Variants in BCO2 observed in about 807,000 individuals in gnomAD.
BCO2 encodes the protein beta-carotene oxygenase 2.
A neutral mutation model predicts 65.8 loss-of-function variants in BCO2; 56 were observed. That is an observed-to-expected ratio of 0.85 (90% CI 0.69 to 1.06). The LOEUF (loss-of-function observed/expected upper bound fraction) is 1.06, where lower values mean the gene tolerates loss of function less well. Among genes scored for constraint, BCO2 ranks in the 50% least tolerant of loss-of-function variants. BCO2 has a pLI of 0.00. For missense variants in BCO2, 675 were observed against 698.5 expected (o/e 0.97, Z 0.38); for synonymous variants, 233 against 242.3 (o/e 0.96, Z 0.36).
intron 5 of BCO2, 133 bp downstream of exon 5, chr11:112,194,888 C>A (rs1048399206): frequency 3.6e-6 from 2 of 552,524 alleles, no homozygotes; most frequent in Non-Finnish European, 6.3e-6. Flanking sequence ...CTACACCCAG[C>A]TCTCTCTCCT....
chr11:112,181,382 C>G (rs949394513), intron 2 of BCO2: 34 of 533,746 alleles, frequency 6.4e-5, no homozygotes, highest in Non-Finnish European at 1.1e-4. Context: ...GGGGTTTCAC[C>G]GTTTTAGCTG....
In BCO2 at chr11:112,218,750, TAAG is replaced by T. The variant is rs1859758668; in HGVS notation, c.*879_*881del. 6.6e-6 allele frequency: 1 copy of T among 152,560 alleles called. No individual in the cohort carries two copies. Among genetic ancestry groups the T allele is most frequent in the African/African-American group, 2.4e-5 (1 of 41,464 alleles). 9.5% of individuals were successfully genotyped at this position (152,560 alleles called of 1,614,324 possible). On this transcript the variant is annotated 3_prime_UTR_variant, in exon 12 of 12. Transcript: ENST00000357685. ...ATAAAACTTTGGCACTCATGTTTCTTAAGAAAAAACACCACAAAGCAGAATTCA... is the reference window on the plus strand; with the variant it reads ...ATAAAACTTTGGCACTCATGTTTCTTAAAAAACACCACAAAGCAGAATTCA...
intron 5 of BCO2, among the ~76,000 whole-genome samples, chr11:112,196,391 G>C (rs1452570902): frequency 2.6e-5 from 4 of 152,112 alleles, no homozygotes; most frequent in Admixed American, 6.6e-5. Flanking sequence ...TTGTAATACA[G>C]TAAAATGCTT....
chr11:112,186,277 C>G (rs538977902), intron 2 of BCO2, among the ~76,000 whole-genome samples: 18 of 152,370 alleles, frequency 1.2e-4, no homozygotes, highest in African/African-American at 4.3e-4. Context: ...GCTTGCCCCA[C>G]AGGCCTCTTT....
intron 2 of BCO2, among the ~76,000 whole-genome samples, chr11:112,187,501 C>G (rs1460027175): frequency 4.0e-5 from 6 of 151,026 alleles, no homozygotes; most frequent in Non-Finnish European, 8.8e-5. Flanking sequence ...CATCTTCTCA[C>G]AGGGTCTGCC....
chr11:112,187,651 C>T (rs1867237806), intron 2 of BCO2, among the ~76,000 whole-genome samples: 1 of 152,106 alleles, frequency 6.6e-6, no homozygotes, highest in Non-Finnish European at 1.5e-5. Context: ...CCTCTTCCCA[C>T]CTCCGCACTT....
chr11:112,209,653 G>T (rs1298893332), intron 8 of BCO2, among the ~76,000 whole-genome samples: 1 of 151,894 alleles, frequency 6.6e-6, no homozygotes, highest in Non-Finnish European at 1.5e-5. Context: ...TTTATCAACT[G>T]TTTTTTTTCT....
At chr11:112,208,725 AG>A (rs1394245900) in intron 8 of BCO2, 3 of 204,326 alleles carry the variant, frequency 1.5e-5, no homozygotes, top group Non-Finnish European at 3.2e-5. Context: ...TGAGATCAGC[AG>A]GGCAACCATC....
At chr11:112,214,706 T>C (rs1300251318) in intron 9 of BCO2, 56 bp from the exon 10 acceptor site, 9 of 1,486,358 alleles carry the variant, frequency 6.1e-6, no homozygotes, top group Non-Finnish European at 8.4e-6. Flanking sequence ...CTGACCTACA[T>C]AAGAGGAAAA....
At chr11:112,196,096 T>C (rs1355863975) in intron 5 of BCO2, among the ~76,000 whole-genome samples, 1 of 152,224 alleles carries the variant, frequency 6.6e-6, no homozygotes, top group African/African-American at 2.4e-5. Flanking sequence ...GCTGGGTGTT[T>C]CCTGGGTGTC....
At chr11:112,200,020 A>G (rs1031647055) in intron 6 of BCO2, among the ~76,000 whole-genome samples, 193 bp downstream of exon 6, 1 of 152,172 alleles carries the variant, frequency 6.6e-6, no homozygotes, top group Admixed American at 6.5e-5. Flanking sequence ...TGACTGCTTG[A>G]AAAGATATAC....
At chr11:112,190,487 C>G (rs965309893) in intron 2 of BCO2, among the ~76,000 whole-genome samples, 1 of 152,040 alleles carries the variant, frequency 6.6e-6, no homozygotes, top group African/African-American at 2.4e-5. Context: ...GAAAAATAAT[C>G]ACAGAATTAT....
chr11:112,187,306 C>T (rs1326276609), intron 2 of BCO2, among the ~76,000 whole-genome samples: 2 of 152,096 alleles, frequency 1.3e-5, no homozygotes, highest in African/African-American at 2.4e-5. Flanking sequence ...CACTGCCTCT[C>T]CTCTGATGAT....
At chr11:112,196,946 C>A (rs547036556) in intron 5 of BCO2, among the ~76,000 whole-genome samples, 2 of 149,978 alleles carry the variant, frequency 1.3e-5, no homozygotes, top group East Asian at 3.9e-4. Context: ...CCTTCCCTTC[C>A]CTTCCCTTCC....
At chr11:112,179,802 A>C in intron 2 of BCO2, 6 of 312,644 alleles carry the variant, frequency 1.9e-5, no homozygotes, top group Non-Finnish European at 3.7e-5. Flanking sequence ...TCCTCATACC[A>C]CTCTCTCCCT....
intron 1 of BCO2, among the ~76,000 whole-genome samples, chr11:112,178,710 C>T (rs1016570193): frequency 6.6e-6 from 1 of 152,208 alleles, no homozygotes; most frequent in African/African-American, 2.4e-5. Flanking sequence ...TAATTTTTGA[C>T]ACCCTTCTAC....
At position 112,217,844 on chromosome 11, in the gene BCO2, T is replaced by C. The variant is rs1414564341; in HGVS notation, c.1710T>C (p.Tyr570=). Residue 570 remains tyrosine (Y), a synonymous_variant, in exon 12 of 12, where the codon TAT becomes TAC. Transcript: ENST00000357685. ...CAGAGGTACCTGTGCAGATGCCTTA[T>C]GGGTTCCATGGTACCTTCATACCCA... The part of the protein sequence containing the change: ...GRAEVPVQMP[Y]GFHGTFIPI The C allele has an allele frequency of 4.3e-6, 7 of 1,613,984 alleles. No homozygotes were observed. Among genetic ancestry groups the C allele is most frequent in the Non-Finnish European group, 1.7e-6 (2 of 1,179,836 alleles).
At position 112,202,323 on chromosome 11, in the gene BCO2, C is replaced by T. The variant is rs548222228; in HGVS notation, c.1194+133C>T. ...TTTGAGACTGAGTCTTGCTGTGTCA[C>T]CCAGGCTGGAGTGCAATGGTGCGAT... On this transcript the variant is annotated intron_variant, in intron 8 of 11. Coordinates refer to ENST00000357685, the MANE Select transcript of BCO2 (RefSeq NM_031938.7). The T allele has an allele frequency of 2.8e-5, 24 of 851,624 alleles. No individual in the cohort carries two copies. In the South Asian group the frequency reaches 4.7e-4, roughly 17 times the overall value. 52.8% of individuals were successfully genotyped at this position (851,624 alleles called of 1,614,324 possible). A position where few individuals can be genotyped will look rare whatever the true frequency, so the allele number is the denominator to read the frequency against.
Position 112,179,358 on chromosome 11 carries a change from C to T in BCO2, c.169C>T (p.Leu57=). The change falls in exon 2 of 12, where the codon CTG becomes TTG. Residue 57 remains leucine (L), a synonymous_variant. Coordinates refer to ENST00000357685, the MANE Select transcript of BCO2 (RefSeq NM_031938.7). ...QCRGLPCVAP[L]LTTVEEAPRG... Reference sequence around the variant, plus strand: ...TCGGGGTCTGCCATGTGTTGCACCGCTGCTGACCACAGTGGAAGAGGCTCC... The same window carrying T: ...TCGGGGTCTGCCATGTGTTGCACCGTTGCTGACCACAGTGGAAGAGGCTCC... The T allele has an allele frequency of 6.2e-7, 1 of 1,614,188 alleles. No homozygotes were observed. The highest frequency in any genetic ancestry group is 8.5e-7 in the Non-Finnish European group (1 of 1,180,036).
Sources: allele counts gnomAD v4.1 joint callset (sites outside exome capture counted in the v4.1 genomes callset), GRCh38; gene constraint gnomAD v4.1.1; transcripts MANE v1.5; gene names NCBI Gene and HGNC (gene_info 2026-07-23, HGNC 2026-07-21).